OSBPL3: variants seen among roughly 807,000 people sequenced by gnomAD.
OSBPL3 encodes oxysterol-binding protein-related protein 3.
OSBPL3 carries 65 observed loss-of-function variants against 120.1 expected under a neutral mutation model. That is an observed-to-expected ratio of 0.54 (90% confidence interval 0.44 to 0.67). The LOEUF is 0.67. Among genes scored for constraint, OSBPL3 ranks in the 30% least tolerant of loss-of-function variants. OSBPL3 has a pLI of 0.00. For synonymous variants in OSBPL3, 416 were observed against 402.6 expected, an observed-to-expected ratio of 1.03 and a Z score of -0.40; for missense variants, 1,004 against 1,082.1, an observed-to-expected ratio of 0.93 and a Z score of 1.01.
Position 24,806,008 on chromosome 7 carries a change from G to A in OSBPL3, c.2444+768C>T, listed in dbSNP as rs1584177304. On this transcript the variant is annotated intron_variant, in intron 21 of 22. Transcript: ENST00000313367. This position sits in a 1 kb window ranked among gnomAD's most constrained non-coding sequence, Gnocchi z 5.2. ...TTCTCACTGAGACACTCAGGCTGGAGAGCAATGGCGTGGTCTCGGCTCACT... is the reference window on the plus strand; with the variant it reads ...TTCTCACTGAGACACTCAGGCTGGAAAGCAATGGCGTGGTCTCGGCTCACT... 6.6e-6 allele frequency among the ~76,000 whole-genome samples: 1 copy of A among 152,210 alleles called. No homozygotes were observed. Among genetic ancestry groups the A allele is most frequent in the Admixed American group, 6.5e-5 (1 of 15,288 alleles).
chr7:24,945,765 C>T (rs879562271), intron 1 of OSBPL3, among the ~76,000 whole-genome samples: 10 of 152,216 alleles, frequency 6.6e-5, no homozygotes, highest in African/African-American at 1.4e-4. Context: ...GCTGATTGTT[C>T]GTTCATAAGA....
rs758771088 is a variant in OSBPL3 at position 24,849,156 on chromosome 7, A to G, written c.1179T>C (p.Asp393=). The change falls in exon 12 of 23, where the codon GAT becomes GAC. Residue 393 remains aspartate (D), a synonymous_variant. Coordinates refer to ENST00000313367, the MANE Select transcript of OSBPL3 (RefSeq NM_015550.4). This position sits in a 1 kb window ranked among gnomAD's most constrained non-coding sequence, Gnocchi z 5.4. ...GGATTCTGCGTAAGCGTTCTTTAAG[A>G]TCTGTGTTTTGTGCTAGGGCCTGGA... ...ALSSALAQNT[D]LKERLRRIHA... 6.2e-7 allele frequency: 1 copy of G among 1,613,832 alleles called. No individual in the cohort carries two copies. Among genetic ancestry groups the G allele is most frequent in the East Asian group, 2.2e-5 (1 of 44,868 alleles).
At chr7:24,926,481 G>T (rs1234516019) in intron 1 of OSBPL3, among the ~76,000 whole-genome samples, 2 of 152,176 alleles carry the variant, frequency 1.3e-5, no homozygotes, top group Non-Finnish European at 2.9e-5. Flanking sequence ...GCTTGCAAGA[G>T]GAAGTCTCTG....
Position 24,979,968 on chromosome 7 carries a change from C to G in OSBPL3, c.-232G>C, listed in dbSNP as rs914590092. 2.0e-6 allele frequency: 2 copies of G among 985,442 alleles called. No homozygotes were observed. The highest frequency in any genetic ancestry group is 3.5e-5 in the African/African-American group (2 of 57,336). 61.0% of individuals were successfully genotyped at this position (985,442 alleles called of 1,614,324 possible). ...AGCGCACAGAACCGGGAGAAGGCAA[C>G]CCCGGCTTCTCCGGTACCCCCGCAA... On this transcript the variant is annotated 5_prime_UTR_variant, in exon 1 of 23. Coordinates refer to ENST00000313367, the MANE Select transcript of OSBPL3 (RefSeq NM_015550.4).
chr7:24,971,352 T>C (rs1216837925), intron 1 of OSBPL3, among the ~76,000 whole-genome samples: 1 of 152,170 alleles, frequency 6.6e-6, no homozygotes, highest in Non-Finnish European at 1.5e-5. Flanking sequence ...CCAAAGAAAA[T>C]GTATTAGAAA....
At position 24,879,965 on chromosome 7, in the gene OSBPL3, G is replaced by C. The variant is rs1344287545; in HGVS notation, c.97-7896C>G. ...TAAAGCTACAAACAGCATCTTCTAT[G>C]CATTTTTCTCTCCTCCTAATGCTCT... is the stretch of plus-strand genomic sequence containing the variant. On this transcript the variant is annotated intron_variant, in intron 2 of 22. Coordinates refer to ENST00000313367, the MANE Select transcript of OSBPL3 (RefSeq NM_015550.4). The surrounding 1 kb of genome is among the most constrained non-coding windows in gnomAD (Gnocchi z 5.6). Among the ~76,000 whole-genome samples, 1 of 152,080 alleles carries C rather than the reference G, an allele frequency of 6.6e-6. No individual in the cohort carries two copies. The highest frequency in any genetic ancestry group is 1.9e-4 in the East Asian group (1 of 5,194).
At chr7:24,885,837 G>A (rs889978066) in intron 2 of OSBPL3, among the ~76,000 whole-genome samples, 1 of 151,676 alleles carries the variant, frequency 6.6e-6, no homozygotes, top group Non-Finnish European at 1.5e-5. Context: ...TAAAACTCAA[G>A]GCTATAGGAC....
At chr7:24,801,675 G>A (rs1400516658) in intron 22 of OSBPL3, among the ~76,000 whole-genome samples, 1 of 152,224 alleles carries the variant, frequency 6.6e-6, no homozygotes, top group Non-Finnish European at 1.5e-5. Flanking sequence ...ATTGGAACAT[G>A]GCCATGTCCA....
At chr7:24,878,498 G>A (rs1168332954) in intron 2 of OSBPL3, among the ~76,000 whole-genome samples, 4 of 151,964 alleles carry the variant, frequency 2.6e-5, no homozygotes, top group Admixed American at 6.6e-5. Context: ...AAAGGCTAAC[G>A]ATCATCAATA....
At chr7:24,848,877 G>A (rs554356097) in intron 12 of OSBPL3, among the ~76,000 whole-genome samples, 192 bp downstream of exon 12, 1 of 152,342 alleles carries the variant, frequency 6.6e-6, no homozygotes, top group East Asian at 1.9e-4. Flanking sequence ...GCAATTAGCA[G>A]CATACGCTCA....
At chr7:24,931,043 C>T (rs1329334553) in intron 1 of OSBPL3, among the ~76,000 whole-genome samples, 1 of 152,078 alleles carries the variant, frequency 6.6e-6, no homozygotes, top group Non-Finnish European at 1.5e-5. Context: ...ACCATTGCTT[C>T]CTGAACATCA....
chr7:24,815,197 C>A lies in OSBPL3; in HGVS notation c.2034G>T (p.Gly678=). Reference sequence around the variant, plus strand: ...TCACTTTGTTCCACTCAAAATGATCCCCAAAACTAAAAAGAAGGAAAAAGT... The same window carrying A: ...TCACTTTGTTCCACTCAAAATGATCACCAAAACTAAAAAGAAGGAAAAAGT... ...GTTHVTLPVF[G]DHFEWNKVTS... The change falls in exon 19 of 23, where the codon GGG becomes GGT. Residue 678 remains glycine, a synonymous_variant. Coordinates refer to ENST00000313367, the MANE Select transcript of OSBPL3 (RefSeq NM_015550.4). The surrounding 1 kb of genome is among the most constrained non-coding windows in gnomAD (Gnocchi z 5.1). 6.2e-7 allele frequency: 1 copy of A among 1,611,242 alleles called. No individual in the cohort carries two copies. Among genetic ancestry groups the A allele is most frequent in the Non-Finnish European group, 8.5e-7 (1 of 1,179,300 alleles).
chr7:24,929,656 G>T (rs1471920979), intron 1 of OSBPL3, among the ~76,000 whole-genome samples: 5 of 152,042 alleles, frequency 3.3e-5, no homozygotes, highest in African/African-American at 1.2e-4. Flanking sequence ...TTCAATGGAA[G>T]GCTCCCTCCT....
chr7:24,893,781 T>C (rs1384854767), intron 1 of OSBPL3, among the ~76,000 whole-genome samples: 1 of 152,000 alleles, frequency 6.6e-6, no homozygotes, highest in Non-Finnish European at 1.5e-5. Context: ...CTGCAGCTCT[T>C]TGGGAGTCTT....
rs1259313784 is a variant in OSBPL3, at chr7:24,851,540, T to C, written c.1158+964A>G. On this transcript the variant is annotated intron_variant, in intron 11 of 22. Transcript: ENST00000313367. This position sits in a 1 kb window ranked among gnomAD's most constrained non-coding sequence, Gnocchi z 4.1. ...TTCTCTCAATGCCTGTGTTGGCTTC[T>C]GGTTACAAGATCCTAAAATTTATCT... 2.0e-5 allele frequency among the ~76,000 whole-genome samples: 3 copies of C among 152,200 alleles called. No homozygotes were observed. Among genetic ancestry groups the C allele is most frequent in the African/African-American group, 7.2e-5 (3 of 41,448 alleles).
In OSBPL3 at chr7:24,862,957, C is replaced by T. The variant is rs1800784369; in HGVS notation, c.870+243G>A. Among the ~76,000 whole-genome samples the T allele has an allele frequency of 6.6e-6, 1 of 152,188 alleles. No homozygotes were observed. The highest frequency in any genetic ancestry group is 1.5e-5 in the Non-Finnish European group (1 of 68,024). On this transcript the variant is annotated intron_variant, in intron 9 of 22. Coordinates refer to ENST00000313367, the MANE Select transcript of OSBPL3 (RefSeq NM_015550.4). This position sits in a 1 kb window ranked among gnomAD's most constrained non-coding sequence, Gnocchi z 4.4. The stretch of plus-strand genomic sequence containing the variant: ...GCCCTAGAAATGGCAGCAGTCCCTG[C>T]GACCTCACACCCTTTTTCCCTTAGA...
chr7:24,917,428 T>TATATATATA lies in OSBPL3; in HGVS notation c.-149-24808_-149-24807insTATATATAT, dbSNP rs1562924930. Among the ~76,000 whole-genome samples, 461 of 92,230 alleles carry TATATATATA rather than the reference T, an allele frequency of 5.0e-3. 6 individuals are homozygous for TATATATATA. Among genetic ancestry groups the TATATATATA allele is most frequent in the East Asian group, 0.017 (60 of 3,430 alleles). The allele number at this position is 92,230 out of a possible 152,430, so 60.5% of individuals were successfully genotyped here. A position where few individuals can be genotyped will look rare whatever the true frequency, so the allele number is the denominator to read the frequency against. ...TATATATATATATATATATATATATTTGTAACATATATATATATACACACA... is the reference window on the plus strand; with the variant it reads ...TATATATATATATATATATATATATTATATATATATGTAACATATATATATATACACACA... On this transcript the variant is annotated intron_variant, in intron 1 of 22. Coordinates refer to ENST00000313367, the MANE Select transcript of OSBPL3 (RefSeq NM_015550.4).
intron 10 of OSBPL3, among the ~76,000 whole-genome samples, chr7:24,860,101 T>C (rs1800316596): frequency 6.6e-6 from 1 of 152,208 alleles, no homozygotes. Context: ...AGATTTACAT[T>C]CACTGATCTG....
intron 1 of OSBPL3, among the ~76,000 whole-genome samples, chr7:24,951,385 T>C (rs546517874): frequency 6.6e-6 from 1 of 152,260 alleles, no homozygotes; most frequent in South Asian, 2.1e-4. Context: ...TCATATTCCT[T>C]CTGGTAAAAA....
Sources: gnomAD v4.1 joint callset for allele counts (sites outside exome capture counted in the v4.1 genomes callset) on GRCh38, gnomAD v4.1.1 for gene constraint, Gnocchi (gnomAD v3.1) non-coding constraint, MANE v1.5 for transcripts, NCBI Gene and HGNC (gene_info 2026-07-23, HGNC 2026-07-21) for gene names.